Variants in IGF2BP3 observed in about 807,000 individuals in gnomAD.
IGF2BP3 encodes the protein insulin-like growth factor 2 mRNA-binding protein 3.
IGF2BP3 carries 9 observed loss-of-function variants against 73.8 expected under a neutral mutation model. That is an observed-to-expected ratio of 0.12 (90% CI 0.07 to 0.21). IGF2BP3 has a LOEUF of 0.21. IGF2BP3 is among the 10% of genes least tolerant of loss of function. The probability of loss-of-function intolerance (pLI) is 1.00; values close to 1 mark genes in which losing one functional copy is unlikely to be tolerated. For synonymous variants in IGF2BP3, 258 were observed against 256.7 expected (o/e 1.01, Z -0.05); for missense variants, 542 against 714.0 (o/e 0.76, Z 2.75).
intron 10 of IGF2BP3, among the ~76,000 whole-genome samples, chr7:23,336,897 G>A (rs140261539): frequency 6.7e-4 from 101 of 151,820 alleles, no homozygotes; most frequent in African/African-American, 2.3e-3. Flanking sequence ...GCAGTGAACC[G>A]AGATTGCGCC....
intron 2 of IGF2BP3, among the ~76,000 whole-genome samples, chr7:23,466,898 A>G (rs1788578577): frequency 6.6e-6 from 1 of 152,216 alleles, no homozygotes; most frequent in South Asian, 2.1e-4. Flanking sequence ...AGGCACAACC[A>G]TTTGCTTATT....
chr7:23,381,855 G>C (rs1214587849), intron 3 of IGF2BP3, among the ~76,000 whole-genome samples: 1 of 152,022 alleles, frequency 6.6e-6, no homozygotes, highest in African/African-American at 2.4e-5. Context: ...TTACAGGCTT[G>C]AGCCAATGCA....
At chr7:23,432,808 T>C (rs1176163805) in intron 2 of IGF2BP3, among the ~76,000 whole-genome samples, 1 of 152,118 alleles carries the variant, frequency 6.6e-6, no homozygotes, top group African/African-American at 2.4e-5. Context: ...ACCCAGCTAA[T>C]TTTTGTATTT....
rs746490040 is a variant in IGF2BP3 at position 23,347,020 on chromosome 7, T to C, written c.818+580A>G. 5.9e-5 allele frequency among the ~76,000 whole-genome samples: 9 copies of C among 152,206 alleles called. 1 individual carries two copies. The highest frequency in any genetic ancestry group is 3.3e-4 in the Admixed American group (5 of 15,286). On this transcript the variant is annotated intron_variant, in intron 7 of 14. Coordinates refer to ENST00000258729, the MANE Select transcript of IGF2BP3 (RefSeq NM_006547.3). ...GTTCTCTACAAATTAAGGTTGGTAA[T>C]GAGGTCCCCACACTAACTCCAGTGC...
At chr7:23,406,790 C>T (rs942712883) in intron 3 of IGF2BP3, among the ~76,000 whole-genome samples, 2 of 152,128 alleles carry the variant, frequency 1.3e-5, no homozygotes, top group African/African-American at 4.8e-5. Context: ...CTTAGCTAGA[C>T]ACAGAGCACT....
chr7:23,396,862 A>C (rs775910316), intron 3 of IGF2BP3, among the ~76,000 whole-genome samples: 1 of 152,224 alleles, frequency 6.6e-6, no homozygotes, highest in Non-Finnish European at 1.5e-5. Flanking sequence ...AAAAAAGTTA[A>C]TTCACAGTGC....
At position 23,392,449 on chromosome 7, in the gene IGF2BP3, T is replaced by C. The variant is rs567631164; in HGVS notation, c.285+26327A>G. On this transcript the variant is annotated intron_variant, in intron 3 of 14. Transcript: ENST00000258729. ...GCTTATCATCATATATATATATATATATACACACACACACATATATATGTA... is the reference window on the plus strand; with the variant it reads ...GCTTATCATCATATATATATATATACATACACACACACACATATATATGTA... Among the ~76,000 whole-genome samples, 660 of 148,102 alleles carry C rather than the reference T, an allele frequency of 4.5e-3. 6 individuals are homozygous for C. The highest frequency in any genetic ancestry group is 0.013 in the East Asian group (67 of 5,082).
chr7:23,329,196 G>C (rs1480615465), intron 10 of IGF2BP3, among the ~76,000 whole-genome samples: 2 of 150,870 alleles, frequency 1.3e-5, no homozygotes, highest in African/African-American at 4.9e-5. Flanking sequence ...CTGGGCGACA[G>C]AGCAAGACTC....
chr7:23,411,390 T>C (rs1356434895), intron 3 of IGF2BP3, among the ~76,000 whole-genome samples: 1 of 152,128 alleles, frequency 6.6e-6, no homozygotes, highest in Non-Finnish European at 1.5e-5. Context: ...GAGACCAGCC[T>C]GGTCAACATG....
chr7:23,396,539 T>C (rs1476070184), intron 3 of IGF2BP3: 1 of 160,368 alleles, frequency 6.2e-6, no homozygotes, highest in East Asian at 1.7e-4. Context: ...CATGAGATAA[T>C]GCAAGCCTAC....
At chr7:23,335,356 C>T (rs1380575936) in intron 10 of IGF2BP3, among the ~76,000 whole-genome samples, 1 of 151,672 alleles carries the variant, frequency 6.6e-6, no homozygotes, top group African/African-American at 2.4e-5. Flanking sequence ...AATCACGGAT[C>T]ACTGCAGCCT....
chr7:23,416,392 G>A (rs1787191148), intron 3 of IGF2BP3, among the ~76,000 whole-genome samples: 1 of 151,932 alleles, frequency 6.6e-6, no homozygotes, highest in Admixed American at 6.6e-5. Flanking sequence ...TCATCCCACT[G>A]CTCCTCTAGC....
At chr7:23,384,671 A>T (rs1351131224) in intron 3 of IGF2BP3, among the ~76,000 whole-genome samples, 1 of 152,250 alleles carries the variant, frequency 6.6e-6, no homozygotes, top group Admixed American at 6.5e-5. Context: ...CAGGCAGGTT[A>T]CTTGAACCCA....
intron 10 of IGF2BP3, among the ~76,000 whole-genome samples, chr7:23,319,856 A>G (rs1247130564): frequency 1.3e-5 from 2 of 152,172 alleles, no homozygotes; most frequent in Admixed American, 1.3e-4. Context: ...CTTTAGTGGT[A>G]AGATGCCCTA....
intron 3 of IGF2BP3, among the ~76,000 whole-genome samples, chr7:23,400,564 G>C (rs1786627175): frequency 6.6e-6 from 1 of 152,004 alleles, no homozygotes; most frequent in Non-Finnish European, 1.5e-5. Flanking sequence ...CGTGATAAAA[G>C]CACATCCTTC....
At chr7:23,397,339 G>A (rs1208848230) in intron 3 of IGF2BP3, among the ~76,000 whole-genome samples, 5 of 152,230 alleles carry the variant, frequency 3.3e-5, no homozygotes, top group Non-Finnish European at 7.3e-5. Flanking sequence ...CAGCTCCACA[G>A]CTCAGGGAGG....
At chr7:23,441,574 T>TAAAAAAA (rs769391858) in intron 2 of IGF2BP3, among the ~76,000 whole-genome samples, 3 of 56,956 alleles carry the variant, frequency 5.3e-5, no homozygotes, top group Non-Finnish European at 9.7e-5. Flanking sequence ...CTCCATCTCT[T>TAAAAAAA]AAAAAAAAAA....
At chr7:23,326,753 TC>T (rs1167274119) in intron 10 of IGF2BP3, among the ~76,000 whole-genome samples, 1 of 141,250 alleles carries the variant, frequency 7.1e-6, no homozygotes, top group Non-Finnish European at 1.5e-5. Context: ...AATGATGAGT[TC>T]ATGTCCTTTG....
chr7:23,422,410 C>T (rs1357539714), intron 2 of IGF2BP3, among the ~76,000 whole-genome samples: 4 of 152,024 alleles, frequency 2.6e-5, no homozygotes, highest in East Asian at 1.9e-4. Context: ...GTAAAATTAG[C>T]GTGGTGTGGT....
Sources: gnomAD v4.1 joint callset for allele counts (sites outside exome capture counted in the v4.1 genomes callset) on GRCh38, gnomAD v4.1.1 for gene constraint, MANE v1.5 for transcripts, NCBI Gene and HGNC (gene_info 2026-07-23, HGNC 2026-07-21) for gene names.